Variants in MAML2 observed in about 807,000 individuals in gnomAD.
The protein encoded by MAML2 is mastermind like transcriptional coactivator 2.
In MAML2, 22 loss-of-function variants were observed where a neutral mutation model predicts 96.1. That is an observed-to-expected ratio of 0.23 (90% confidence interval 0.16 to 0.33). The LOEUF (loss-of-function observed/expected upper bound fraction) is 0.33. Among genes scored for constraint, MAML2 ranks in the 10% least tolerant of loss-of-function variants. The pLI is 1.00. For synonymous variants in MAML2, 561 were observed against 521.3 expected, an observed-to-expected ratio of 1.08 and a Z score of -1.04; for missense variants, 1,367 against 1,392.4, an observed-to-expected ratio of 0.98 and a Z score of 0.29.
intron 1 of MAML2, among the ~76,000 whole-genome samples, chr11:96,305,535 A>G (rs1863451092): frequency 6.6e-6 from 1 of 152,218 alleles, no homozygotes; most frequent in Non-Finnish European, 1.5e-5. Context: ...AGTCTATTTG[A>G]ATAATAATAA....
chr11:96,098,768 G>A (rs528609570), intron 1 of MAML2, among the ~76,000 whole-genome samples: 1 of 152,324 alleles, frequency 6.6e-6, no homozygotes, highest in African/African-American at 2.4e-5. Context: ...CAACAGCTGG[G>A]GTTGAAGGTA....
intron 2 of MAML2, among the ~76,000 whole-genome samples, chr11:96,001,024 T>C (rs528153757): frequency 2.6e-5 from 4 of 152,296 alleles, no homozygotes; most frequent in East Asian, 1.9e-4. Context: ...TTCTATTTAA[T>C]AGGAAATTTT....
intron 2 of MAML2, among the ~76,000 whole-genome samples, chr11:95,995,807 T>G (rs1857980557): frequency 6.6e-6 from 1 of 152,122 alleles, no homozygotes; most frequent in Admixed American, 6.6e-5. Context: ...CTTCTATCAT[T>G]TGCCTGGTCC....
At position 96,117,297 on chromosome 11, in the gene MAML2, T is replaced by TC. The variant is rs1262420606; in HGVS notation, c.514-23781_514-23780insG. On this transcript the variant is annotated intron_variant, in intron 1 of 4. Transcript: ENST00000524717. The stretch of plus-strand genomic sequence containing the variant: ...TGTCATGCTGCAAAGCTCTTTTTTT[T>TC]TTTTTTTAAATTTTTTGAGACAGGG... Among the ~76,000 whole-genome samples the TC allele has an allele frequency of 2.0e-5, 3 of 151,730 alleles. No homozygotes were observed. The East Asian group carries it at 5.8e-4, about 29-fold the overall frequency.
chr11:96,244,927 A>T (rs929837175), intron 1 of MAML2, among the ~76,000 whole-genome samples: 2 of 152,216 alleles, frequency 1.3e-5, no homozygotes, highest in East Asian at 1.9e-4. Context: ...TAAAAAAAGG[A>T]TCTATTTTGT....
intron 2 of MAML2, among the ~76,000 whole-genome samples, chr11:96,091,350 T>A (rs528241236): frequency 3.3e-4 from 50 of 152,308 alleles, no homozygotes; most frequent in African/African-American, 1.2e-3. Flanking sequence ...ACAGGGATCA[T>A]GTTTTATTTC....
intron 1 of MAML2, among the ~76,000 whole-genome samples, chr11:96,249,749 A>G (rs1314667005): frequency 3.9e-5 from 6 of 152,124 alleles, no homozygotes; most frequent in African/African-American, 1.4e-4. Flanking sequence ...AGCTCCAAGC[A>G]ACCATCACTT....
chr11:96,122,525 T>C (rs1565221724), intron 1 of MAML2, among the ~76,000 whole-genome samples: 1 of 145,782 alleles, frequency 6.9e-6, no homozygotes, highest in African/African-American at 2.5e-5. Context: ...TGTGTGTGTG[T>C]GTGTGCACGT....
At chr11:96,051,534 G>T (rs1214945003) in intron 2 of MAML2, among the ~76,000 whole-genome samples, 10 of 152,110 alleles carry the variant, frequency 6.6e-5, no homozygotes, top group Non-Finnish European at 1.5e-4. Flanking sequence ...CACACCCCTA[G>T]CATGGCATCT....
chr11:96,073,317 T>C (rs966237145), intron 2 of MAML2, among the ~76,000 whole-genome samples: 1 of 64,486 alleles, frequency 1.6e-5, no homozygotes, highest in Non-Finnish European at 2.7e-5. Context: ...ATTTCTTTTC[T>C]TTTCTTTTTT....
chr11:96,295,268 C>A (rs1206989480), intron 1 of MAML2, among the ~76,000 whole-genome samples: 2 of 152,210 alleles, frequency 1.3e-5, no homozygotes, highest in South Asian at 2.1e-4. Flanking sequence ...TTAAAAAAAA[C>A]CACAGGCAAA....
chr11:96,234,391 G>C (rs1293738833), intron 1 of MAML2, among the ~76,000 whole-genome samples: 1 of 152,204 alleles, frequency 6.6e-6, no homozygotes, highest in African/African-American at 2.4e-5. Context: ...GGAGGCAGGA[G>C]AATCACTTGA....
intron 1 of MAML2, among the ~76,000 whole-genome samples, chr11:96,285,080 C>T (rs1463108793): frequency 1.3e-5 from 2 of 152,062 alleles, no homozygotes; most frequent in Non-Finnish European, 2.9e-5. Flanking sequence ...GGAACTTGTC[C>T]AAAGTCACAC....
chr11:96,024,517 A>T (rs1322506877), intron 2 of MAML2, among the ~76,000 whole-genome samples: 1 of 152,248 alleles, frequency 6.6e-6, no homozygotes, highest in Non-Finnish European at 1.5e-5. Context: ...AAGCGTGCAG[A>T]CATGCACTCA....
Position 96,013,209 on chromosome 11 carries a change from T to C in MAML2, c.2140-21486A>G, listed in dbSNP as rs1268412105. 2.0e-5 allele frequency among the ~76,000 whole-genome samples: 3 copies of C among 152,218 alleles called. No homozygotes were observed. In the East Asian group the frequency reaches 5.8e-4, roughly 29 times the overall value. On this transcript the variant is annotated intron_variant, in intron 2 of 4. Coordinates refer to ENST00000524717, the MANE Select transcript of MAML2 (RefSeq NM_032427.4). ...GTAGGTTATGTATCAACAAACATAT[T>C]GTTTTTCCAATAACAAATGTCACAT...
chr11:96,125,699 C>T (rs1814902117), intron 1 of MAML2, among the ~76,000 whole-genome samples: 1 of 152,168 alleles, frequency 6.6e-6, no homozygotes, highest in Non-Finnish European at 1.5e-5. Flanking sequence ...AAGTGAAAGG[C>T]AATGAGTAAA....
intron 1 of MAML2, among the ~76,000 whole-genome samples, chr11:96,182,838 TCTC>T (rs1236317806): frequency 2.6e-5 from 4 of 152,142 alleles, no homozygotes; most frequent in African/African-American, 4.8e-5. Flanking sequence ...GGGATGGAGA[TCTC>T]CTTACCATCC....
chr11:96,285,203 G>T (rs557009844), intron 1 of MAML2, among the ~76,000 whole-genome samples: 12 of 152,096 alleles, frequency 7.9e-5, no homozygotes, highest in Non-Finnish European at 1.2e-4. Flanking sequence ...TTCTACTGTA[G>T]CACCTATTGT....
At chr11:96,208,015 A>G (rs191160704) in intron 1 of MAML2, among the ~76,000 whole-genome samples, 481 of 152,166 alleles carry the variant, frequency 3.2e-3, no homozygotes, top group Non-Finnish European at 5.1e-3. Context: ...AAGCTCCCAA[A>G]CTCAGAGTCT....
Sources: gnomAD v4.1 joint callset for allele counts (sites outside exome capture counted in the v4.1 genomes callset) on GRCh38, gnomAD v4.1.1 for gene constraint, MANE v1.5 for transcripts, NCBI Gene and HGNC (gene_info 2026-07-23, HGNC 2026-07-21) for gene names.